The following ARFGEF1 variants were observed in gnomAD, a reference collection of about 807,000 sequenced individuals.
ARFGEF1 encodes ARF guanine nucleotide exchange factor 1.
In ARFGEF1, 42 loss-of-function variants were observed where a neutral mutation model predicts 231.0. That is an observed-to-expected ratio of 0.18 (90% confidence interval 0.14 to 0.24). The LOEUF (loss-of-function observed/expected upper bound fraction) is 0.24, where lower values mean the gene tolerates loss of function less well. Ranked by LOEUF, ARFGEF1 falls within the 10% of genes least tolerant of loss-of-function variation. The pLI, the probability that ARFGEF1 is intolerant of heterozygous loss-of-function variation, is 1.00. For missense variants in ARFGEF1, 1,345 were observed against 2,192.0 expected (o/e 0.61, Z 7.72); for synonymous variants, 710 against 732.3 (o/e 0.97, Z 0.49).
At chr8:67,218,201 A>ATATATATATAT (rs1374468030) in intron 30 of ARFGEF1, 63 bp from the exon 31 acceptor site, 11 of 180,446 alleles carry the variant, frequency 6.1e-5, no homozygotes, top group African/African-American at 5.5e-4. Flanking sequence ...TAAAAAAAAA[A>ATATATATATAT]AAAAAAATAT....
chr8:67,198,201 G>A lies in ARFGEF1; in HGVS notation c.*733C>T. ...GTCGGCCACAACAGCTTCTGGGCATGTTACAGCCTCAAAATCACCACCTAC... is the reference window on the plus strand; with the variant it reads ...GTCGGCCACAACAGCTTCTGGGCATATTACAGCCTCAAAATCACCACCTAC... On this transcript the variant is annotated 3_prime_UTR_variant, in exon 39 of 39. Coordinates refer to ENST00000262215, the MANE Select transcript of ARFGEF1 (RefSeq NM_006421.5). 1 of 985,628 alleles carries A rather than the reference G, an allele frequency of 1.0e-6. No individual in the cohort carries two copies. Among genetic ancestry groups the A allele is most frequent in the Non-Finnish European group, 1.2e-6 (1 of 829,894 alleles). 61.1% of individuals were successfully genotyped at this position (985,628 alleles called of 1,614,324 possible).
intron 19 of ARFGEF1, among the ~76,000 whole-genome samples, chr8:67,248,577 G>A (rs976424648): frequency 6.6e-6 from 1 of 150,438 alleles, no homozygotes; most frequent in African/African-American, 2.5e-5. Context: ...ATTAAGCTGG[G>A]CAAAGATTTC....
At chr8:67,196,222 C>T (rs1229179523), downstream of ARFGEF1, 1 of 152,192 alleles carries the variant, frequency 6.6e-6, no homozygotes, top group African/African-American at 2.4e-5. Flanking sequence ...CATGATGTAA[C>T]TACTTCTTGA....
rs536108040 is a variant in ARFGEF1 at position 67,248,599 on chromosome 8, C to A, written c.2850+2700G>T. 6.8e-4 allele frequency among the ~76,000 whole-genome samples: 102 copies of A among 150,334 alleles called. 12 individuals are homozygous for A. Among genetic ancestry groups the A allele is most frequent in the African/African-American group, 2.5e-3 (99 of 40,280 alleles). ...TGGGCAAAGATTTCTTGAGAATACC[C>A]CACAATCACAGGTAACCAAAGTAAA... On this transcript the variant is annotated intron_variant, in intron 19 of 38. Coordinates refer to ENST00000262215, the MANE Select transcript of ARFGEF1 (RefSeq NM_006421.5).
At chr8:67,266,319 A>G (rs1251581430) in intron 13 of ARFGEF1, 112 bp from the exon 14 acceptor site, 5 of 742,662 alleles carry the variant, frequency 6.7e-6, no homozygotes, top group Non-Finnish European at 1.1e-5. Context: ...TTAGATATCT[A>G]TTTAATACAA....
intron 1 of ARFGEF1, among the ~76,000 whole-genome samples, chr8:67,303,469 G>A (rs1378502212): frequency 6.6e-6 from 1 of 152,114 alleles, no homozygotes; most frequent in African/African-American, 2.4e-5. Flanking sequence ...CCAGCACTTG[G>A]GGAGGCCAAG....
At chr8:67,268,907 A>T (rs1804956799) in intron 10 of ARFGEF1, among the ~76,000 whole-genome samples, 1 of 152,148 alleles carries the variant, frequency 6.6e-6, no homozygotes, top group African/African-American at 2.4e-5. Flanking sequence ...CAGACTTGTG[A>T]ATCAAAAACT....
In ARFGEF1 at chr8:67,211,854, C is replaced by T. The variant is rs181935014; in HGVS notation, c.4687-239G>A. ...CATCCAACAGCAACAGATAAAAATG[C>T]GAAACTTCAAAGTGTAGAGAAACTG... On this transcript the variant is annotated intron_variant, in intron 33 of 38. Coordinates refer to ENST00000262215, the MANE Select transcript of ARFGEF1 (RefSeq NM_006421.5). 2.3e-3 allele frequency among the ~76,000 whole-genome samples: 345 copies of T among 152,174 alleles called. 1 individual carries two copies. Among genetic ancestry groups the T allele is most frequent in the African/African-American group, 8.0e-3 (334 of 41,510 alleles).
intron 22 of ARFGEF1, among the ~76,000 whole-genome samples, chr8:67,235,062 GTA>G (rs1225765796): frequency 4.8e-5 from 7 of 146,888 alleles, no homozygotes; most frequent in African/African-American, 7.8e-5. Context: ...AAAAATATGT[GTA>G]TGTGTGTATA....
At chr8:67,254,494 A>C (rs1345770575) in intron 17 of ARFGEF1, among the ~76,000 whole-genome samples, 1 of 152,200 alleles carries the variant, frequency 6.6e-6, no homozygotes, top group Non-Finnish European at 1.5e-5. Flanking sequence ...ATTTACATGA[A>C]AGTACACAGA....
At chr8:67,315,069 T>C (rs1004669076) in intron 1 of ARFGEF1, among the ~76,000 whole-genome samples, 1 of 151,960 alleles carries the variant, frequency 6.6e-6, no homozygotes, top group Non-Finnish European at 1.5e-5. Context: ...TATAGTAGGA[T>C]GAAAGTAAAC....
At chr8:67,331,086 G>C (rs568059173) in intron 1 of ARFGEF1, among the ~76,000 whole-genome samples, 1 of 151,718 alleles carries the variant, frequency 6.6e-6, no homozygotes, top group Non-Finnish European at 1.5e-5. Context: ...AAGAAACAAC[G>C]AAGACTAGTC....
intron 23 of ARFGEF1, among the ~76,000 whole-genome samples, chr8:67,229,209 T>C (rs957391652): frequency 6.6e-6 from 1 of 152,044 alleles, no homozygotes; most frequent in African/African-American, 2.4e-5. Flanking sequence ...ACAAAGATAT[T>C]TAATAACTTC....
chr8:67,293,333 T>C (rs952034202), intron 5 of ARFGEF1, among the ~76,000 whole-genome samples: 6 of 152,144 alleles, frequency 3.9e-5, no homozygotes, highest in Non-Finnish European at 8.8e-5. Context: ...TGCTCGTCAC[T>C]GTATAAGTGA....
At chr8:67,219,596 C>A (rs1839077200) in intron 29 of ARFGEF1, 36 bp from the exon 30 acceptor site, 2 of 1,551,620 alleles carry the variant, frequency 1.3e-6, no homozygotes, top group Admixed American at 2.0e-5. Flanking sequence ...AGCTGTAATA[C>A]AAAAAAGCAT....
chr8:67,180,006 C>A, intron 5 of ARFGEF1: 1 of 745,680 alleles, frequency 1.3e-6, no homozygotes, highest in Non-Finnish European at 2.2e-6. Flanking sequence ...TACTGTATTC[C>A]TTGTTGTACA....
chr8:67,216,783 C>A, intron 32 of ARFGEF1, 121 bp from the exon 33 acceptor site: 1 of 619,360 alleles, frequency 1.6e-6, no homozygotes, highest in Non-Finnish European at 2.6e-6. Flanking sequence ...CCATCTTTGA[C>A]CACTGCTAAT....
At chr8:67,315,752 A>G (rs1253721383) in intron 1 of ARFGEF1, among the ~76,000 whole-genome samples, 1 of 152,188 alleles carries the variant, frequency 6.6e-6, no homozygotes, top group African/African-American at 2.4e-5. Context: ...GGAAGTCTTA[A>G]GGGAAATTTT....
intron 1 of ARFGEF1, among the ~76,000 whole-genome samples, chr8:67,306,038 C>T (rs1457103171): frequency 1.3e-5 from 2 of 152,160 alleles, no homozygotes; most frequent in Admixed American, 6.5e-5. Flanking sequence ...ATCTTAGTAA[C>T]CTCAGCATAT....
Sources: allele counts gnomAD v4.1 joint callset (sites outside exome capture counted in the v4.1 genomes callset), GRCh38; gene constraint gnomAD v4.1.1; transcripts MANE v1.5; gene names NCBI Gene and HGNC (gene_info 2026-07-23, HGNC 2026-07-21).